Variants in KCNMB2 observed in about 807,000 individuals in gnomAD.
KCNMB2 encodes the protein potassium calcium-activated channel subfamily M regulatory beta subunit 2.
A neutral mutation model predicts 24.5 loss-of-function variants in KCNMB2; 9 were observed. That is an observed-to-expected ratio of 0.37 (90% CI 0.22 to 0.64). The LOEUF is 0.64. KCNMB2 is among the 30% of genes least tolerant of loss of function. The probability of loss-of-function intolerance (pLI) is 0.63; values close to 1 mark genes in which losing one functional copy is unlikely to be tolerated. For synonymous variants in KCNMB2, 109 were observed against 104.4 expected (o/e 1.04, Z -0.27); for missense variants, 226 against 284.3 (o/e 0.79, Z 1.47).
intron 1 of KCNMB2, among the ~76,000 whole-genome samples, chr3:178,639,290 C>A (rs1344295395): frequency 6.6e-6 from 1 of 152,070 alleles, no homozygotes; most frequent in East Asian, 1.9e-4. Context: ...AGCATTGAGG[C>A]ACAGATATGT....
chr3:178,689,778 T>C (rs1239236137), intron 1 of KCNMB2, among the ~76,000 whole-genome samples: 2 of 152,110 alleles, frequency 1.3e-5, no homozygotes, highest in Non-Finnish European at 2.9e-5. Flanking sequence ...AGTGAGTGAG[T>C]AGTAAAATTG....
chr3:178,731,767 G>A (rs1242340382), intron 1 of KCNMB2, among the ~76,000 whole-genome samples: 1 of 152,200 alleles, frequency 6.6e-6, no homozygotes, highest in Non-Finnish European at 1.5e-5. Flanking sequence ...GCCTGCCATG[G>A]TGGCACATGC....
chr3:178,566,168 A>C (rs1284847335), intron 1 of KCNMB2, among the ~76,000 whole-genome samples: 1 of 152,166 alleles, frequency 6.6e-6, no homozygotes, highest in African/African-American at 2.4e-5. Context: ...TCAGATGAAA[A>C]TGCTCAAGGC....
intron 1 of KCNMB2, among the ~76,000 whole-genome samples, chr3:178,739,294 G>A (rs1723419798): frequency 6.6e-6 from 1 of 152,152 alleles, no homozygotes; most frequent in Non-Finnish European, 1.5e-5. Flanking sequence ...GTGATAAGTT[G>A]AAGGAGAGAC....
chr3:178,660,008 A>T (rs765877003), intron 1 of KCNMB2, among the ~76,000 whole-genome samples: 11 of 152,130 alleles, frequency 7.2e-5, no homozygotes, highest in African/African-American at 2.7e-4. Context: ...TAGGCCTAAG[A>T]TGAGCCCTGA....
intron 1 of KCNMB2, among the ~76,000 whole-genome samples, chr3:178,577,552 T>G (rs924787443): frequency 7.9e-5 from 12 of 152,042 alleles, no homozygotes; most frequent in African/African-American, 2.4e-4. Flanking sequence ...CTTCAGAAGG[T>G]GGGTAATAAC....
chr3:178,577,506 G>C (rs1488338635), intron 1 of KCNMB2, among the ~76,000 whole-genome samples: 2 of 152,156 alleles, frequency 1.3e-5, no homozygotes, highest in Non-Finnish European at 2.9e-5. Flanking sequence ...AACAAAAGTG[G>C]ACAGAGAATG....
At chr3:178,632,628 T>A (rs1238864265) in intron 1 of KCNMB2, among the ~76,000 whole-genome samples, 1 of 152,170 alleles carries the variant, frequency 6.6e-6, no homozygotes, top group Non-Finnish European at 1.5e-5. Flanking sequence ...ACATGGGGAT[T>A]ACGGGAACTA....
chr3:178,599,612 C>T (rs1168875687), intron 1 of KCNMB2, among the ~76,000 whole-genome samples: 6 of 152,130 alleles, frequency 3.9e-5, no homozygotes, highest in Non-Finnish European at 4.4e-5. Context: ...GTAATATACA[C>T]ATAAAATGTT....
At chr3:178,702,419 C>T (rs1289487686) in intron 1 of KCNMB2, among the ~76,000 whole-genome samples, 1 of 150,000 alleles carries the variant, frequency 6.7e-6, no homozygotes, top group African/African-American at 2.5e-5. Context: ...TACCCTAGAA[C>T]TTAAAAAGTA....
At chr3:178,685,951 C>G (rs941483572) in intron 1 of KCNMB2, among the ~76,000 whole-genome samples, 2 of 152,178 alleles carry the variant, frequency 1.3e-5, no homozygotes, top group African/African-American at 4.8e-5. Context: ...GGAAAAAGCA[C>G]TGACTACCAC....
intron 1 of KCNMB2, among the ~76,000 whole-genome samples, chr3:178,576,781 C>G (rs1362647394): frequency 6.6e-6 from 1 of 152,234 alleles, no homozygotes; most frequent in Non-Finnish European, 1.5e-5. Flanking sequence ...TGTAGCCAGA[C>G]TGCCTGTCTA....
intron 1 of KCNMB2, among the ~76,000 whole-genome samples, chr3:178,545,610 G>A (rs936358346): frequency 1.3e-5 from 2 of 152,176 alleles, no homozygotes; most frequent in Non-Finnish European, 2.9e-5. Context: ...AATCTTGCTC[G>A]TGAGATAATT....
At chr3:178,818,327 G>A (rs971359143) in intron 2 of KCNMB2, among the ~76,000 whole-genome samples, 1 of 152,148 alleles carries the variant, frequency 6.6e-6, no homozygotes, top group Admixed American at 6.6e-5. Context: ...TTGTTACACA[G>A]GTAAACATGT....
At chr3:178,827,894 C>G (rs973751464) in intron 3 of KCNMB2, among the ~76,000 whole-genome samples, 22 of 152,268 alleles carry the variant, frequency 1.4e-4, no homozygotes, top group Non-Finnish European at 2.5e-4. Flanking sequence ...CTCATGTTAC[C>G]AGTGAGTTCC....
chr3:178,668,137 G>T (rs1227376244), intron 1 of KCNMB2, among the ~76,000 whole-genome samples: 2 of 152,136 alleles, frequency 1.3e-5, no homozygotes, highest in African/African-American at 4.8e-5. Context: ...CACGGAACAT[G>T]TATTTGCTGA....
At chr3:178,757,652 A>T (rs1268890308) in intron 1 of KCNMB2, among the ~76,000 whole-genome samples, 4 of 38,360 alleles carry the variant, frequency 1.0e-4, no homozygotes, top group Admixed American at 3.1e-4. Context: ...ATCCAAGAGG[A>T]TATATATATA....
intron 1 of KCNMB2, among the ~76,000 whole-genome samples, chr3:178,806,899 A>G (rs1713992790): frequency 6.6e-6 from 1 of 152,198 alleles, no homozygotes. Context: ...CATCACCAAC[A>G]TGTCACACTT....
At chr3:178,678,792 T>G (rs1721160352) in intron 1 of KCNMB2, among the ~76,000 whole-genome samples, 3 of 152,178 alleles carry the variant, frequency 2.0e-5, no homozygotes. Flanking sequence ...GTGGGGAGCA[T>G]GTAGTATTCT....
Sources: gnomAD v4.1 joint callset for allele counts (sites outside exome capture counted in the v4.1 genomes callset) on GRCh38, gnomAD v4.1.1 for gene constraint, MANE v1.5 for transcripts, NCBI Gene and HGNC (gene_info 2026-07-23, HGNC 2026-07-21) for gene names.